Variants in PPP1R14C observed in about 807,000 individuals in gnomAD.
The protein encoded by PPP1R14C is protein phosphatase 1 regulatory subunit 14C.
In PPP1R14C, 16 loss-of-function variants were observed where a neutral mutation model predicts 20.4. That is an observed-to-expected ratio of 0.78 (90% CI 0.53 to 1.19). The LOEUF (loss-of-function observed/expected upper bound fraction) is 1.19, where lower values mean the gene tolerates loss of function less well. Ranked by LOEUF, PPP1R14C falls within the 50% of genes most tolerant of loss-of-function variation. The probability of loss-of-function intolerance (pLI) is 0.00; values close to 1 mark genes in which losing one functional copy is unlikely to be tolerated. For missense variants in PPP1R14C, 211 were observed against 220.1 expected, an observed-to-expected ratio of 0.96 and a Z score of 0.26; for synonymous variants, 91 against 91.0, an observed-to-expected ratio of 1.00 and a Z score of 0.00.
intron 1 of PPP1R14C, among the ~76,000 whole-genome samples, chr6:150,209,489 CAT>C (rs1357351615): frequency 1.3e-5 from 2 of 151,126 alleles, no homozygotes; most frequent in East Asian, 3.9e-4. Context: ...TGGGTGTATT[CAT>C]GTGTGTGTAT....
intron 3 of PPP1R14C, among the ~76,000 whole-genome samples, chr6:150,225,654 G>T (rs576333784): frequency 6.6e-6 from 1 of 152,336 alleles, no homozygotes; most frequent in East Asian, 1.9e-4. Flanking sequence ...GAAACAGGAA[G>T]TCTCATTTAA....
chr6:150,154,382 T>G (rs1401818332), intron 1 of PPP1R14C, among the ~76,000 whole-genome samples: 1 of 152,218 alleles, frequency 6.6e-6, no homozygotes, highest in Non-Finnish European at 1.5e-5. Flanking sequence ...CCCTTGCCTG[T>G]GAGCTCCGTC....
intron 1 of PPP1R14C, among the ~76,000 whole-genome samples, chr6:150,186,080 G>A (rs955686767): frequency 3.9e-5 from 6 of 152,162 alleles, no homozygotes; most frequent in African/African-American, 9.7e-5. Flanking sequence ...TGATGCTCCC[G>A]TGACCAAGGA....
chr6:150,197,217 G>A (rs1777815519), intron 1 of PPP1R14C, among the ~76,000 whole-genome samples: 1 of 152,220 alleles, frequency 6.6e-6, no homozygotes, highest in Non-Finnish European at 1.5e-5. Context: ...TGTGGAAGAG[G>A]AAAGAACTAA....
At chr6:150,221,962 C>T (rs1027376472) in intron 3 of PPP1R14C, among the ~76,000 whole-genome samples, 14 of 152,166 alleles carry the variant, frequency 9.2e-5, no homozygotes, top group African/African-American at 3.1e-4. Flanking sequence ...CCACACTCAG[C>T]TAATTTTTGT....
At chr6:150,189,824 A>G (rs1450894828) in intron 1 of PPP1R14C, among the ~76,000 whole-genome samples, 2 of 152,164 alleles carry the variant, frequency 1.3e-5, no homozygotes, top group African/African-American at 2.4e-5. Flanking sequence ...ACCAACAGCC[A>G]CAGTTTGGAA....
chr6:150,241,790 G>A (rs1582935600), intron 3 of PPP1R14C, among the ~76,000 whole-genome samples: 3 of 152,304 alleles, frequency 2.0e-5, no homozygotes, highest in East Asian at 3.9e-4. Flanking sequence ...AGGAAGCTGA[G>A]GCACAAGAAT....
At position 150,143,806 on chromosome 6, in the gene PPP1R14C, C is replaced by T. The variant is rs191708340; in HGVS notation, c.306+308C>T. On this transcript the variant is annotated intron_variant, in intron 1 of 3. Coordinates refer to ENST00000361131, the MANE Select transcript of PPP1R14C (RefSeq NM_030949.3). This position sits in a 1 kb window ranked among gnomAD's most constrained non-coding sequence, Gnocchi z 5.6. ...TCCGAGCTCCGGGCGCCTCTGGGCT[C>T]CAGCTGCAGCTGCGCAAAGCGGGGC... 3.4e-3 allele frequency among the ~76,000 whole-genome samples: 518 copies of T among 152,226 alleles called. 6 individuals carry two copies. The highest frequency in any genetic ancestry group is 0.024 in the Admixed American group (373 of 15,296).
intron 1 of PPP1R14C, among the ~76,000 whole-genome samples, chr6:150,212,453 T>C (rs1168581548): frequency 6.6e-6 from 1 of 152,180 alleles, no homozygotes; most frequent in Non-Finnish European, 1.5e-5. Context: ...GGCGAGGCTC[T>C]ACACTGCTAT....
chr6:150,188,072 T>C (rs1777698215), intron 1 of PPP1R14C, among the ~76,000 whole-genome samples: 1 of 152,202 alleles, frequency 6.6e-6, no homozygotes, highest in South Asian at 2.1e-4. Flanking sequence ...TCTAACATAG[T>C]TTTAGTCACT....
chr6:150,173,794 G>C (rs1179608266), intron 1 of PPP1R14C, among the ~76,000 whole-genome samples: 1 of 152,114 alleles, frequency 6.6e-6, no homozygotes, highest in African/African-American at 2.4e-5. Context: ...CCAGGACATG[G>C]GAGCCCAAGA....
At chr6:150,226,184 G>A (rs970886369) in intron 3 of PPP1R14C, among the ~76,000 whole-genome samples, 1 of 152,134 alleles carries the variant, frequency 6.6e-6, no homozygotes, top group Non-Finnish European at 1.5e-5. Flanking sequence ...GGGAAACACA[G>A]CAGTATAATT....
At chr6:150,144,038 G>A (rs536520566) in intron 1 of PPP1R14C, among the ~76,000 whole-genome samples, 40 of 152,364 alleles carry the variant, frequency 2.6e-4, no homozygotes, top group Non-Finnish European at 5.0e-4. Context: ...ATCCTGAGAT[G>A]GAACGCTTTC....
chr6:150,177,946 C>A (rs1413887750), intron 1 of PPP1R14C, among the ~76,000 whole-genome samples: 1 of 152,178 alleles, frequency 6.6e-6, no homozygotes, highest in Non-Finnish European at 1.5e-5. Context: ...TGTGGTTAGC[C>A]CCAGCGGGGA....
intron 1 of PPP1R14C, among the ~76,000 whole-genome samples, chr6:150,200,927 G>A (rs372461531): frequency 1.3e-5 from 2 of 152,254 alleles, no homozygotes; most frequent in South Asian, 2.1e-4. Flanking sequence ...GCCTGGAGCC[G>A]CATGTCTGAA....
At chr6:150,196,222 C>A in intron 1 of PPP1R14C, 1 of 632,128 alleles carries the variant, frequency 1.6e-6, no homozygotes, top group Non-Finnish European at 2.0e-6. Context: ...TCATTGAGGG[C>A]AACTGGGCAA....
chr6:150,215,153 A>G (rs375860394), intron 2 of PPP1R14C, among the ~76,000 whole-genome samples: 1 of 152,236 alleles, frequency 6.6e-6, no homozygotes, highest in East Asian at 1.9e-4. Context: ...CCACAGTTGT[A>G]TGAGAAAGAG....
chr6:150,224,945 A>G (rs919536061), intron 3 of PPP1R14C, among the ~76,000 whole-genome samples: 12 of 151,962 alleles, frequency 7.9e-5, no homozygotes, highest in Non-Finnish European at 1.8e-4. Context: ...TCAGTCATAT[A>G]GGGAGCCTGT....
chr6:150,145,978 A>G (rs1777176348), intron 1 of PPP1R14C, among the ~76,000 whole-genome samples: 1 of 152,248 alleles, frequency 6.6e-6, no homozygotes, highest in African/African-American at 2.4e-5. Flanking sequence ...GTATTTAGAA[A>G]GAGGAAGAGG....
Sources: allele counts gnomAD v4.1 joint callset (sites outside exome capture counted in the v4.1 genomes callset), GRCh38; gene constraint gnomAD v4.1.1; non-coding constraint Gnocchi (gnomAD v3.1); transcripts MANE v1.5; gene names NCBI Gene and HGNC (gene_info 2026-07-23, HGNC 2026-07-21).